The following CCNY variants were observed in gnomAD, a reference collection of about 807,000 sequenced individuals.
The protein encoded by CCNY is cyclin Y, also known as cyclin-Y.
In CCNY, 19 loss-of-function variants were observed where a neutral mutation model predicts 42.8. The ratio of observed to expected loss-of-function variants is 0.44; its 90% CI spans 0.31 to 0.65. The LOEUF (loss-of-function observed/expected upper bound fraction) is 0.65. Ranked by LOEUF, CCNY falls within the 30% of genes least tolerant of loss-of-function variation. The probability of loss-of-function intolerance (pLI) is 0.07; values close to 1 mark genes in which losing one functional copy is unlikely to be tolerated. For missense variants in CCNY, 370 were observed against 437.3 expected (o/e 0.85, Z 1.37); for synonymous variants, 165 against 162.7 (o/e 1.01, Z -0.11).
chr10:35,339,025 C>T (rs1373759990), intron 1 of CCNY, among the ~76,000 whole-genome samples: 1 of 152,174 alleles, frequency 6.6e-6, no homozygotes, highest in African/African-American at 2.4e-5. Flanking sequence ...GTTTGGAAGA[C>T]TCTTTTGCAG....
chr10:35,340,619 C>T (rs1836158233), intron 1 of CCNY, among the ~76,000 whole-genome samples: 1 of 151,908 alleles, frequency 6.6e-6, no homozygotes, highest in African/African-American at 2.4e-5. Context: ...GTTCTCCTGC[C>T]TCAGCGTCCC....
At chr10:35,421,984 G>A (rs946731468) in intron 1 of CCNY, among the ~76,000 whole-genome samples, 1 of 152,138 alleles carries the variant, frequency 6.6e-6, no homozygotes, top group African/African-American at 2.4e-5. Context: ...GAAAGTCACT[G>A]CCCCACAGTC....
At chr10:35,354,719 GGA>G (rs1227212722) in intron 1 of CCNY, among the ~76,000 whole-genome samples, 1 of 152,108 alleles carries the variant, frequency 6.6e-6, no homozygotes, top group Non-Finnish European at 1.5e-5. Flanking sequence ...ACGGGGAGTG[GGA>G]GAGAGAATAA....
chr10:35,492,552 G>A (rs556619774), intron 2 of CCNY, among the ~76,000 whole-genome samples: 1 of 152,334 alleles, frequency 6.6e-6, no homozygotes, highest in South Asian at 2.1e-4. Context: ...TCCTCTGTGT[G>A]GAGGTGATTA....
At chr10:35,539,776 A>C (rs1179848936) in intron 7 of CCNY, among the ~76,000 whole-genome samples, 1 of 152,188 alleles carries the variant, frequency 6.6e-6, no homozygotes, top group Non-Finnish European at 1.5e-5. Flanking sequence ...ACAGAGTGAG[A>C]CTTTGTCTCA....
intron 1 of CCNY, among the ~76,000 whole-genome samples, chr10:35,417,704 A>G (rs1257164172): frequency 6.6e-6 from 1 of 152,204 alleles, no homozygotes; most frequent in Non-Finnish European, 1.5e-5. Flanking sequence ...TTTTAATGGC[A>G]TTAATTTCTT....
chr10:35,362,693 T>C (rs1277748530), intron 1 of CCNY, among the ~76,000 whole-genome samples: 3 of 152,242 alleles, frequency 2.0e-5, no homozygotes, highest in Non-Finnish European at 2.9e-5. Flanking sequence ...CACTTCACAC[T>C]TGGAGGGTTG....
intron 3 of CCNY, among the ~76,000 whole-genome samples, chr10:35,252,472 A>G (rs1175679786): frequency 6.7e-6 from 1 of 149,628 alleles, no homozygotes; most frequent in African/African-American, 2.5e-5. Flanking sequence ...AGGCTGAGGC[A>G]GGAGAATGGC....
chr10:35,408,366 G>C (rs1837829238), intron 1 of CCNY, among the ~76,000 whole-genome samples: 1 of 152,174 alleles, frequency 6.6e-6, no homozygotes, highest in South Asian at 2.1e-4. Flanking sequence ...ATTTCACCTG[G>C]GTGCCGGCAG....
chr10:35,550,755 C>G (rs1232388245), intron 7 of CCNY, among the ~76,000 whole-genome samples: 1 of 152,152 alleles, frequency 6.6e-6, no homozygotes, highest in Non-Finnish European at 1.5e-5. Flanking sequence ...AACAAGAGCA[C>G]CACATACCAG....
At chr10:35,540,816 A>G (rs185982155) in intron 7 of CCNY, among the ~76,000 whole-genome samples, 73 of 152,302 alleles carry the variant, frequency 4.8e-4, no homozygotes, top group African/African-American at 1.7e-3. Flanking sequence ...CAGTTGTTCC[A>G]CAGTATTCCT....
At chr10:35,378,119 A>G (rs958211508) in intron 1 of CCNY, among the ~76,000 whole-genome samples, 2 of 152,242 alleles carry the variant, frequency 1.3e-5, no homozygotes, top group South Asian at 2.1e-4. Flanking sequence ...GATCTGTCTT[A>G]TACTTTAAAT....
At chr10:35,255,153 C>A (rs947452487) in intron 3 of CCNY, among the ~76,000 whole-genome samples, 1 of 151,940 alleles carries the variant, frequency 6.6e-6, no homozygotes, top group South Asian at 2.1e-4. Context: ...TTTGTTAAAT[C>A]GTCTATTTCC....
At chr10:35,525,943 C>T (rs781628979) in intron 4 of CCNY, 21 bp from the exon 5 acceptor site, 4 of 1,609,268 alleles carry the variant, frequency 2.5e-6, no homozygotes, top group Admixed American at 1.7e-5. Context: ...GACACTGAAC[C>T]TCTGCATTCT....
intron 1 of CCNY, among the ~76,000 whole-genome samples, chr10:35,402,583 C>G (rs141661701): frequency 0.018 from 2,746 of 152,186 alleles, 67 homozygotes; most frequent in East Asian, 0.056. Flanking sequence ...AAGAGAAATG[C>G]AAAGCCAGCA....
intron 1 of CCNY, among the ~76,000 whole-genome samples, chr10:35,419,562 A>ATTTTTTTTT (rs1838112617): frequency 7.6e-6 from 1 of 130,798 alleles, no homozygotes. Context: ...AATCTGGAGG[A>ATTTTTTTTT]TTTTTAAGGT....
At position 35,384,589 on chromosome 10, in the gene CCNY, C is replaced by G. The variant is rs115388651; in HGVS notation, c.154+47382C>G. ...GAGTCCCAAGTTTTTGTTTTCCTTT[C>G]ACAGCTACTTGGCTTTCGAGTGGCC... is the stretch of plus-strand genomic sequence containing the variant. On this transcript the variant is annotated intron_variant, in intron 1 of 9. Transcript: ENST00000374704. Among the ~76,000 whole-genome samples the G allele has an allele frequency of 3.3e-3, 496 of 152,294 alleles. 4 individuals are homozygous for G. The highest frequency in any genetic ancestry group is 0.011 in the African/African-American group (470 of 41,546).
At chr10:35,358,394 G>A (rs1255188165) in intron 1 of CCNY, among the ~76,000 whole-genome samples, 1 of 152,164 alleles carries the variant, frequency 6.6e-6, no homozygotes, top group East Asian at 1.9e-4. Context: ...AATCACACAA[G>A]AGAGTAGAAG....
chr10:35,385,967 G>A (rs566477109), intron 1 of CCNY, among the ~76,000 whole-genome samples: 8 of 152,066 alleles, frequency 5.3e-5, no homozygotes, highest in South Asian at 4.1e-4. Flanking sequence ...GTCCTAATGC[G>A]TCTCATGTTT....
Sources: gnomAD v4.1 joint callset for allele counts (sites outside exome capture counted in the v4.1 genomes callset) on GRCh38, gnomAD v4.1.1 for gene constraint, MANE v1.5 for transcripts, NCBI Gene and HGNC (gene_info 2026-07-23, HGNC 2026-07-21) for gene names.